PTPRD: variants seen among roughly 807,000 people sequenced by gnomAD.
PTPRD encodes protein tyrosine phosphatase receptor type D, also known as receptor-type tyrosine-protein phosphatase delta.
In PTPRD, 34 loss-of-function variants were observed where a neutral mutation model predicts 214.5. That is an observed-to-expected ratio of 0.16 (90% confidence interval 0.12 to 0.21). The LOEUF is 0.21. Among genes scored for constraint, PTPRD ranks in the 10% least tolerant of loss-of-function variants. The pLI, the probability that PTPRD is intolerant of heterozygous loss-of-function variation, is 1.00. For synonymous variants in PTPRD, 1,128 were observed against 845.7 expected, an observed-to-expected ratio of 1.33 and a Z score of -5.79; for missense variants, 2,545 against 2,398.7, an observed-to-expected ratio of 1.06 and a Z score of -1.27.
chr9:9,704,553 C>G (rs1209596144), intron 7 of PTPRD, among the ~76,000 whole-genome samples: 3 of 152,076 alleles, frequency 2.0e-5, no homozygotes, highest in African/African-American at 7.2e-5. Context: ...TTTGGACTAG[C>G]CTTAAAGACT....
At chr9:9,900,641 G>GTTTTTTTTTTTTGTT (rs1555302235) in intron 5 of PTPRD, among the ~76,000 whole-genome samples, 1 of 120,086 alleles carries the variant, frequency 8.3e-6, no homozygotes, top group African/African-American at 3.1e-5. Context: ...ACATTTTCAG[G>GTTTTTTTTTTTTGTT]TTTTTTTTTT....
At chr9:8,502,950 G>A (rs2137119981) in intron 23 of PTPRD, among the ~76,000 whole-genome samples, 1 of 151,664 alleles carries the variant, frequency 6.6e-6, no homozygotes, top group African/African-American at 2.4e-5. Context: ...TTAATTAAAG[G>A]CTTGGTTTTT....
chr9:9,028,175 A>C (rs1038796215), intron 10 of PTPRD, among the ~76,000 whole-genome samples: 6 of 151,980 alleles, frequency 3.9e-5, no homozygotes, highest in African/African-American at 1.4e-4. Context: ...TTTTTCCAAC[A>C]CGTTCTTTTA....
Position 8,955,522 on chromosome 9 carries a change from C to T in PTPRD, c.-104+63175G>A, listed in dbSNP as rs188824411. On this transcript the variant is annotated intron_variant, in intron 11 of 45. Transcript: ENST00000381196. ...TCTCAGGGAAATGGAAGTGCCCTTT[C>T]CTGAGTTCCCTCTATGGTGTGCTCT... Among the ~76,000 whole-genome samples the T allele has an allele frequency of 6.3e-3, 956 of 151,942 alleles. 11 individuals are homozygous for T. The highest frequency in any genetic ancestry group is 7.6e-3 in the Non-Finnish European group (516 of 67,822).
chr9:9,647,574 T>G (rs187241245), intron 7 of PTPRD, among the ~76,000 whole-genome samples: 210 of 152,328 alleles, frequency 1.4e-3, no homozygotes, highest in African/African-American at 4.9e-3. Context: ...TACAGTATAC[T>G]ATGAATGTGG....
intron 8 of PTPRD, among the ~76,000 whole-genome samples, chr9:9,536,138 T>G (rs978104562): frequency 1.6e-4 from 24 of 152,090 alleles, no homozygotes; most frequent in African/African-American, 5.8e-4. Context: ...AATTGCTTTT[T>G]GTGCTTCAGT....
At chr9:8,992,661 C>T (rs538561147) in intron 11 of PTPRD, among the ~76,000 whole-genome samples, 1 of 152,036 alleles carries the variant, frequency 6.6e-6, no homozygotes, top group Non-Finnish European at 1.5e-5. Context: ...AAACTGTGCT[C>T]AAAAATCTAG....
intron 5 of PTPRD, among the ~76,000 whole-genome samples, chr9:9,856,953 G>A (rs1328950204): frequency 2.0e-5 from 3 of 152,142 alleles, no homozygotes; most frequent in Non-Finnish European, 4.4e-5. Context: ...GGAAATGAAA[G>A]CAGTGGTTAT....
At chr9:9,433,739 C>G (rs188982887) in intron 8 of PTPRD, among the ~76,000 whole-genome samples, 6 of 152,190 alleles carry the variant, frequency 3.9e-5, no homozygotes, top group African/African-American at 1.4e-4. Context: ...TTACAAGTCG[C>G]AAAAGAATAG....
intron 5 of PTPRD, among the ~76,000 whole-genome samples, chr9:9,827,702 T>C (rs530059865): frequency 2.6e-4 from 39 of 152,040 alleles, no homozygotes; most frequent in Admixed American, 1.4e-3. Flanking sequence ...AAAGAAACTA[T>C]CATCAGAATG....
intron 8 of PTPRD, among the ~76,000 whole-genome samples, chr9:9,553,160 T>C (rs75533833): frequency 0.017 from 2,512 of 152,168 alleles, 40 homozygotes; most frequent in Admixed American, 0.026. Context: ...CTGCTCCTAT[T>C]AAGATTTCCT....
At chr9:8,903,327 C>A (rs1483523639) in intron 11 of PTPRD, among the ~76,000 whole-genome samples, 2 of 152,124 alleles carry the variant, frequency 1.3e-5, no homozygotes, top group Non-Finnish European at 2.9e-5. Context: ...AAGCAACTGA[C>A]TGACTCAGGA....
chr9:8,348,168 G>A (rs760920527), intron 39 of PTPRD, among the ~76,000 whole-genome samples: 2 of 152,116 alleles, frequency 1.3e-5, no homozygotes, highest in Non-Finnish European at 2.9e-5. Context: ...TTTAGGGACT[G>A]GCTATAACAT....
chr9:9,014,678 C>G (rs2099527042), intron 11 of PTPRD, among the ~76,000 whole-genome samples: 1 of 152,088 alleles, frequency 6.6e-6, no homozygotes, highest in African/African-American at 2.4e-5. Flanking sequence ...GGGAGACAAT[C>G]TGAGGAAGGA....
At chr9:9,311,263 G>A (rs1958912854) in intron 9 of PTPRD, among the ~76,000 whole-genome samples, 1 of 152,074 alleles carries the variant, frequency 6.6e-6, no homozygotes. Flanking sequence ...AAACCAGGAA[G>A]TTGTTGAGCA....
chr9:10,348,145 A>G (rs1038638005), intron 2 of PTPRD, among the ~76,000 whole-genome samples: 7 of 152,300 alleles, frequency 4.6e-5, no homozygotes, highest in Admixed American at 1.3e-4. Flanking sequence ...GTCAAACCTT[A>G]TATTTGTACC....
intron 9 of PTPRD, among the ~76,000 whole-genome samples, chr9:9,270,488 A>G (rs1225986405): frequency 6.6e-6 from 1 of 151,326 alleles, no homozygotes; most frequent in East Asian, 2.0e-4. Context: ...TGAGGTGGTG[A>G]AGGGCTTAGA....
chr9:8,977,514 T>A (rs1448140974), intron 11 of PTPRD, among the ~76,000 whole-genome samples: 1 of 152,118 alleles, frequency 6.6e-6, no homozygotes, highest in East Asian at 1.9e-4. Context: ...AAACTATCAA[T>A]TCTTTATGAA....
chr9:9,670,178 T>C lies in PTPRD; in HGVS notation c.-287+64355A>G, dbSNP rs140718896. Among the ~76,000 whole-genome samples the C allele has an allele frequency of 2.5e-4, 38 of 152,304 alleles. No individual in the cohort carries two copies. The East Asian group carries it at 7.1e-3, about 29-fold the overall frequency. ...TAAATATAAGACACCATAAAAATTG[T>C]GTTTAATGTAGAAGCAACAAGACCA... is the stretch of plus-strand genomic sequence containing the variant. On this transcript the variant is annotated intron_variant, in intron 7 of 45. Coordinates refer to ENST00000381196, the MANE Select transcript of PTPRD (RefSeq NM_002839.4).
Sources: gnomAD v4.1 joint callset for allele counts (sites outside exome capture counted in the v4.1 genomes callset) on GRCh38, gnomAD v4.1.1 for gene constraint, MANE v1.5 for transcripts, NCBI Gene and HGNC (gene_info 2026-07-23, HGNC 2026-07-21) for gene names.